The following CSMD1 variants were observed in gnomAD, a reference collection of about 807,000 sequenced individuals.
CSMD1 encodes the protein CUB and sushi domain-containing protein 1.
CSMD1 carries 213 observed loss-of-function variants against 417.5 expected under a neutral mutation model. The observed-to-expected ratio is 0.51, with a 90% CI of 0.46 to 0.57. The LOEUF is 0.57. CSMD1 is among the 20% of genes least tolerant of loss of function. CSMD1 has a pLI of 0.00. For missense variants in CSMD1, 6,923 were observed against 4,529.7 expected, an observed-to-expected ratio of 1.53 and a Z score of -15.17; for synonymous variants, 2,862 against 1,736.8, an observed-to-expected ratio of 1.65 and a Z score of -16.11.
chr8:3,243,622 T>A (rs959649239), intron 26 of CSMD1, among the ~76,000 whole-genome samples: 2 of 152,046 alleles, frequency 1.3e-5, no homozygotes, highest in African/African-American at 4.8e-5. Flanking sequence ...TGGTGGAATG[T>A]CATCAGTTAA....
chr8:4,115,210 T>A (rs1802069944), intron 3 of CSMD1, among the ~76,000 whole-genome samples: 1 of 152,214 alleles, frequency 6.6e-6, no homozygotes, highest in African/African-American at 2.4e-5. Flanking sequence ...TCTTGGTAAG[T>A]CAGCAGCCAC....
intron 8 of CSMD1, among the ~76,000 whole-genome samples, chr8:3,591,321 C>T (rs1390216455): frequency 3.9e-5 from 6 of 152,166 alleles, no homozygotes; most frequent in African/African-American, 9.6e-5. Context: ...TATTTGATTT[C>T]GGAAGACATT....
At chr8:2,939,362 T>C (rs1479911304) in intron 69 of CSMD1, among the ~76,000 whole-genome samples, 1 of 152,250 alleles carries the variant, frequency 6.6e-6, no homozygotes, top group Admixed American at 6.5e-5. Flanking sequence ...AAGTTATTTT[T>C]TATTTTGCCT....
intron 1 of CSMD1, among the ~76,000 whole-genome samples, chr8:4,767,028 A>G (rs1812513158): frequency 6.6e-6 from 1 of 152,240 alleles, no homozygotes; most frequent in South Asian, 2.1e-4. Context: ...CTATGGATAC[A>G]ACTAAATAAT....
chr8:3,299,376 C>T (rs1159529284), intron 25 of CSMD1, among the ~76,000 whole-genome samples: 1 of 152,106 alleles, frequency 6.6e-6, no homozygotes, highest in Non-Finnish European at 1.5e-5. Context: ...TGCTTGAACT[C>T]TGGAGGTGGA....
intron 3 of CSMD1, among the ~76,000 whole-genome samples, chr8:4,292,100 G>C (rs959414353): frequency 6.6e-6 from 1 of 152,142 alleles, no homozygotes; most frequent in Non-Finnish European, 1.5e-5. Context: ...CCAGGGAACA[G>C]GAACAATGAA....
In CSMD1 at chr8:3,795,142, T is replaced by TATCATGTACAGATATAGATAC. The variant is rs1563087105; in HGVS notation, c.819-41101_819-41100insGTATCTATATCTGTACATGAT. 2.7e-4 allele frequency among the ~76,000 whole-genome samples: 18 copies of TATCATGTACAGATATAGATAC among 67,494 alleles called. 1 individual carries two copies. The highest frequency in any genetic ancestry group is 3.4e-4 in the African/African-American group (6 of 17,476). 44.3% of individuals were successfully genotyped at this position (67,494 alleles called of 152,430 possible). On this transcript the variant is annotated intron_variant, in intron 5 of 69. Transcript: ENST00000635120. The stretch of plus-strand genomic sequence containing the variant: ...TATCTATCATGTACAGCTATAGATA[T>TATCATGTACAGATATAGATAC]CTATCATGTACAGCTATAGATACCT...
chr8:3,888,956 G>C (rs562591116), intron 5 of CSMD1, among the ~76,000 whole-genome samples: 1 of 152,034 alleles, frequency 6.6e-6, no homozygotes, highest in Non-Finnish European at 1.5e-5. Context: ...TTTATTAATT[G>C]TATTATATTT....
intron 3 of CSMD1, among the ~76,000 whole-genome samples, chr8:4,311,786 G>A (rs1309543163): frequency 1.3e-5 from 2 of 151,494 alleles, no homozygotes; most frequent in East Asian, 2.0e-4. Context: ...CACATAGAGG[G>A]GAACAACACA....
intron 10 of CSMD1, among the ~76,000 whole-genome samples, chr8:3,507,666 G>A (rs988947164): frequency 1.3e-5 from 2 of 152,170 alleles, no homozygotes; most frequent in Non-Finnish European, 1.5e-5. Flanking sequence ...TTCAGCACCT[G>A]TTGTTTCCTG....
At chr8:4,588,873 G>A (rs1239376751) in intron 2 of CSMD1, among the ~76,000 whole-genome samples, 3 of 152,014 alleles carry the variant, frequency 2.0e-5, no homozygotes, top group South Asian at 4.2e-4. Context: ...TGACGCGAAT[G>A]TGATGTGGCA....
chr8:3,968,208 T>TAAA (rs1554501906), intron 5 of CSMD1, among the ~76,000 whole-genome samples: 1 of 136,596 alleles, frequency 7.3e-6, no homozygotes. Context: ...ATAATAATAA[T>TAAA]AAATAATAAA....
rs1340590053 is a variant in CSMD1 at position 2,938,475 on chromosome 8, T to C, written c.*110A>G. ...TTATGCCAGTAGACAAGGTTGAAGA[T>C]CGCTGCAGTAAAGCCAGAGTGGAAG... On this transcript the variant is annotated 3_prime_UTR_variant, in exon 70 of 70. Transcript: ENST00000635120. The C allele has an allele frequency of 2.9e-6, 3 of 1,043,394 alleles. No homozygotes were observed. Among genetic ancestry groups the C allele is most frequent in the Non-Finnish European group, 4.1e-6 (3 of 725,118 alleles). 64.6% of individuals were successfully genotyped at this position (1,043,394 alleles called of 1,614,324 possible). A position where few individuals can be genotyped will look rare whatever the true frequency, so the allele number is the denominator to read the frequency against.
chr8:4,678,907 A>G (rs2130969918), intron 1 of CSMD1, among the ~76,000 whole-genome samples: 1 of 152,348 alleles, frequency 6.6e-6, no homozygotes, highest in African/African-American at 2.4e-5. Context: ...AATATTTGAC[A>G]AACAAATAGA....
At chr8:3,057,673 T>A (rs1388009268) in intron 49 of CSMD1, among the ~76,000 whole-genome samples, 2 of 152,198 alleles carry the variant, frequency 1.3e-5, no homozygotes, top group Admixed American at 1.3e-4. Flanking sequence ...TAACATTTTT[T>A]ATATCATTTT....
At chr8:4,136,462 G>A (rs1374149523) in intron 3 of CSMD1, among the ~76,000 whole-genome samples, 2 of 152,156 alleles carry the variant, frequency 1.3e-5, no homozygotes, top group Non-Finnish European at 2.9e-5. Flanking sequence ...ATGCCTCTGT[G>A]TGTTAGCAAA....
At chr8:4,084,319 G>C (rs1352070616) in intron 3 of CSMD1, among the ~76,000 whole-genome samples, 2 of 106,654 alleles carry the variant, frequency 1.9e-5, no homozygotes, top group Non-Finnish European at 4.1e-5. Context: ...AAAAAATATT[G>C]GTTTGTTAAA....
In CSMD1 at chr8:3,763,316, T is replaced by C. The variant is rs143450341; in HGVS notation, c.819-9274A>G. ...GACATATGATTGCCGGTATTGGAGG[T>C]GGGGCCCTGTGGGAGGTGTTGGTGT... On this transcript the variant is annotated intron_variant, in intron 5 of 69. Coordinates refer to ENST00000635120, the MANE Select transcript of CSMD1 (RefSeq NM_033225.6). Among the ~76,000 whole-genome samples, 266 of 152,232 alleles carry C rather than the reference T, an allele frequency of 1.7e-3. 1 individual carries two copies. Among genetic ancestry groups the C allele is most frequent in the African/African-American group, 6.1e-3 (252 of 41,550 alleles).
chr8:3,618,927 G>T (rs1042141789), intron 7 of CSMD1, among the ~76,000 whole-genome samples: 2 of 152,118 alleles, frequency 1.3e-5, no homozygotes, highest in African/African-American at 4.8e-5. Context: ...TCTGTGGGCT[G>T]CCTGAGAGAC....
Sources: allele counts gnomAD v4.1 joint callset (sites outside exome capture counted in the v4.1 genomes callset), GRCh38; gene constraint gnomAD v4.1.1; transcripts MANE v1.5; gene names NCBI Gene and HGNC (gene_info 2026-07-23, HGNC 2026-07-21).